Variants in MAPK7 observed in about 807,000 individuals in gnomAD.
MAPK7 encodes the protein BMK-1.
MAPK7 carries 30 observed loss-of-function variants against 56.9 expected under a neutral mutation model. That is an observed-to-expected ratio of 0.53 (90% CI 0.39 to 0.72). The LOEUF (loss-of-function observed/expected upper bound fraction) is 0.72, where lower values mean the gene tolerates loss of function less well. Ranked by LOEUF, MAPK7 falls within the 30% of genes least tolerant of loss-of-function variation. MAPK7 has a pLI of 0.00. For synonymous variants in MAPK7, 516 were observed against 449.3 expected, an observed-to-expected ratio of 1.15 and a Z score of -1.88; for missense variants, 952 against 1,110.8, an observed-to-expected ratio of 0.86 and a Z score of 2.03.
In MAPK7 at chr17:19,378,792, C is replaced by T. The variant is rs560452035; in HGVS notation, c.-5-104C>T. ...ACCAGCCGCGCGCTTCTGCCCTTGT[C>T]GGTTTAGGAAACTGGGAAGTTCCCT... On this transcript the variant is annotated intron_variant, in intron 1 of 6. Coordinates refer to ENST00000395604, the MANE Select transcript of MAPK7 (RefSeq NM_002749.4). This position sits in a 1 kb window ranked among gnomAD's most constrained non-coding sequence, Gnocchi z 5.4. The T allele has an allele frequency of 3.8e-6, 5 of 1,308,836 alleles. No homozygotes were observed. The highest frequency in any genetic ancestry group is 1.0e-6 in the Non-Finnish European group (1 of 973,796). 81.1% of individuals were successfully genotyped at this position (1,308,836 alleles called of 1,614,324 possible).
Position 19,381,032 on chromosome 17 carries a change from A to C in MAPK7, c.823A>C (p.Met275Leu). Reference sequence around the variant, plus strand: ...CTATGTACACCAGCTACAGCTCATCATGATGGTGCTGGGTACCCCATCACC... The same window carrying C: ...CTATGTACACCAGCTACAGCTCATCCTGATGGTGCTGGGTACCCCATCACC... Reference protein sequence around the residue: ...KNYVHQLQLIMMVLGTPSPAV... With the variant: ...KNYVHQLQLILMVLGTPSPAV... The change falls in exon 4 of 7, where the codon ATG becomes CTG. Residue 275 changes from methionine (M) to leucine (L), a missense_variant. Coordinates refer to ENST00000395604, the MANE Select transcript of MAPK7 (RefSeq NM_002749.4). The surrounding 1 kb of genome is among the most constrained non-coding windows in gnomAD (Gnocchi z 4.6). 1 of 1,614,110 alleles carries C rather than the reference A, an allele frequency of 6.2e-7. No individual in the cohort carries two copies. Among genetic ancestry groups the C allele is most frequent in the Middle Eastern group, 1.6e-4 (1 of 6,062 alleles).
In MAPK7 at chr17:19,381,677, C is replaced by T. The variant is rs140977816; in HGVS notation, c.1468C>T (p.Arg490Trp). 3 of 1,590,208 alleles carry T rather than the reference C, an allele frequency of 1.9e-6. No individual in the cohort carries two copies. Among genetic ancestry groups the T allele is most frequent in the Non-Finnish European group, 2.6e-6 (3 of 1,167,884 alleles). Residue 490 changes from arginine to tryptophan, a missense_variant, in exon 4 of 7, where the codon CGG becomes TGG. Arg to Trp is a moderately radical substitution (Grantham distance 101). Transcript: ENST00000395604. This position sits in a 1 kb window ranked among gnomAD's most constrained non-coding sequence, Gnocchi z 4.6. ...KAALLKSLRS[R>W]LRDGPSAPLE... ...TGCCCTGCTCAAGTCTTTGAGGAGC[C>T]GGCTCAGAGGTGCCTTGTGGGCAGG...
At position 19,382,456 on chromosome 17, in the gene MAPK7, C is replaced by G; in HGVS notation, c.2153C>G (p.Ser718Cys). ...GTCAACCTTGTGACCCAGCAGCTATCTAAGTCACAGGTGAGAGGGAGGCCC... is the reference window on the plus strand; with the variant it reads ...GTCAACCTTGTGACCCAGCAGCTATGTAAGTCACAGGTGAGAGGGAGGCCC... ...PDVNLVTQQLSKSQVEDPLPP... is the reference protein window; with the variant it reads ...PDVNLVTQQLCKSQVEDPLPP... The change falls in exon 5 of 7, where the codon TCT becomes TGT. Residue 718 changes from serine to cysteine, a missense_variant. By Grantham distance (112) the Ser-to-Cys change is moderately radical. Coordinates refer to ENST00000395604, the MANE Select transcript of MAPK7 (RefSeq NM_002749.4). 1.3e-6 allele frequency: 2 copies of G among 1,594,464 alleles called. No homozygotes were observed. The highest frequency in any genetic ancestry group is 1.7e-6 in the Non-Finnish European group (2 of 1,169,100).
chr17:19,381,458 G>A lies in MAPK7; in HGVS notation c.1249G>A (p.Val417Ile), dbSNP rs751755653. ...GGCTAGTGAGCCTGGCTGTCCAGAT[G>A]TTGAAATGCCCAGTCCCTGGGCTCC... ...PVASEPGCPD[V>I]EMPSPWAPSG... Residue 417 changes from valine (V) to isoleucine (I), a missense_variant, in exon 4 of 7, where the codon GTT becomes ATT. Around this residue, in one of 5 missense-constraint regions of MAPK7, gnomAD observed 429 missense variants for 533.0 expected, o/e 0.80. Coordinates refer to ENST00000395604, the MANE Select transcript of MAPK7 (RefSeq NM_002749.4). This position sits in a 1 kb window ranked among gnomAD's most constrained non-coding sequence, Gnocchi z 4.6. 2 of 1,614,118 alleles carry A rather than the reference G, an allele frequency of 1.2e-6. No individual in the cohort carries two copies. The highest frequency in any genetic ancestry group is 1.7e-6 in the Non-Finnish European group (2 of 1,180,046).
At chr17:19,379,322 T>C (rs1190643324) in intron 2 of MAPK7, 190 bp downstream of exon 2, 12 of 610,870 alleles carry the variant, frequency 2.0e-5, no homozygotes, top group Non-Finnish European at 3.5e-5. Context: ...CTGGTGGTTT[T>C]GCCATCCTGC....
chr17:19,379,843 G>A lies in MAPK7; in HGVS notation c.294G>A (p.Arg98=), dbSNP rs772325001. Residue 98 remains arginine (R), a synonymous_variant, in exon 3 of 7, where the codon CGG becomes CGA. Coordinates refer to ENST00000395604, the MANE Select transcript of MAPK7 (RefSeq NM_002749.4). ...TCGATGTGGTGACCAATGCCAAGCGGACCCTCAGGGAGCTGAAGATCCTCA... is the reference window on the plus strand; with the variant it reads ...TCGATGTGGTGACCAATGCCAAGCGAACCCTCAGGGAGCTGAAGATCCTCA... ...NAFDVVTNAK[R]TLRELKILKH... The A allele has an allele frequency of 6.2e-7, 1 of 1,614,216 alleles. No homozygotes were observed. The highest frequency in any genetic ancestry group is 1.7e-5 in the Admixed American group (1 of 60,020).
chr17:19,377,892 C>G (rs555796483), upstream of MAPK7: 1 of 985,418 alleles, frequency 1.0e-6, no homozygotes, highest in African/African-American at 1.7e-5. Flanking sequence ...TGCAGTCCAA[C>G]TTGGCCGGAA....
upstream of MAPK7, chr17:19,378,471 T>G: frequency 9.7e-7 from 1 of 1,030,864 alleles, no homozygotes. This position sits in a 1 kb window ranked among gnomAD's most constrained non-coding sequence, Gnocchi z 5.4. Flanking sequence ...AGCGTGGCCT[T>G]GGGAGGCGGG....
At chr17:19,378,393 G>A, upstream of MAPK7, 2 of 990,800 alleles carry the variant, frequency 2.0e-6, no homozygotes, top group Non-Finnish European at 2.4e-6. The surrounding 1 kb of genome is among the most constrained non-coding windows in gnomAD (Gnocchi z 5.4). Context: ...GCTAGGATTG[G>A]ACGCAGTAGG....
In MAPK7 at chr17:19,378,906, C is replaced by G. The variant is rs1390192900; in HGVS notation, c.6C>G (p.Ala2=). The G allele has an allele frequency of 1.9e-6, 3 of 1,566,082 alleles. No individual in the cohort carries two copies. Among genetic ancestry groups the G allele is most frequent in the Admixed American group, 1.9e-5 (1 of 53,042 alleles). The change falls in exon 2 of 7, where the codon GCC becomes GCG. Residue 2 remains alanine (A), a synonymous_variant. Transcript: ENST00000395604. The surrounding 1 kb of genome is among the most constrained non-coding windows in gnomAD (Gnocchi z 5.4). ...CGAGTCTCCACACAGACACCATGGC[C>G]GAGCCTCTGAAGGAGGAAGACGGCG... M[A]EPLKEEDGED...
At position 19,380,814 on chromosome 17, in the gene MAPK7, G is replaced by T; in HGVS notation, c.605G>T (p.Gly202Val). ...ENCELKIGDF[G>V]MARGLCTSPA... ...TGTGAGCTCAAGATTGGTGACTTTG[G>T]TATGGCTCGTGGCCTGTGCACCTCG... is the stretch of plus-strand genomic sequence containing the variant. Residue 202 changes from glycine (G) to valine (V), a missense_variant, in exon 4 of 7, where the codon GGT becomes GTT. Physicochemically the swap from Gly to Val is moderately radical, Grantham distance 109 (BLOSUM62 -3). Transcript: ENST00000395604. 6.2e-7 allele frequency: 1 copy of T among 1,613,108 alleles called. No individual in the cohort carries two copies. The highest frequency in any genetic ancestry group is 8.5e-7 in the Non-Finnish European group (1 of 1,179,246).
Position 19,382,914 on chromosome 17 carries a change from C to G in MAPK7, c.2265C>G (p.Phe755Leu), listed in dbSNP as rs769810486. 1.9e-6 allele frequency: 3 copies of G among 1,614,100 alleles called. No homozygotes were observed. ...FDLEEFLNQSFDMGVADGPQD... is the reference protein window; with the variant it reads ...FDLEEFLNQSLDMGVADGPQD... ...TGGAGGAATTCTTAAACCAGTCTTTCGACATGGGCGTGGCTGATGGGCCAC... is the reference window on the plus strand; with the variant it reads ...TGGAGGAATTCTTAAACCAGTCTTTGGACATGGGCGTGGCTGATGGGCCAC... Residue 755 changes from phenylalanine to leucine, a missense_variant, in exon 6 of 7, where the codon TTC (phenylalanine) becomes TTG (leucine). By Grantham distance (22) the Phe-to-Leu change is conservative (BLOSUM62 0). This residue lies in a region of MAPK7 where 73 missense variants were observed against 104.6 expected (regional missense o/e 0.70). Coordinates refer to ENST00000395604, the MANE Select transcript of MAPK7 (RefSeq NM_002749.4).
chr17:19,379,223 G>A (rs572805130), intron 2 of MAPK7, 91 bp downstream of exon 2: 125 of 1,195,316 alleles, frequency 1.0e-4, no homozygotes, highest in Non-Finnish European at 1.4e-4. Flanking sequence ...AGGAAAGCGG[G>A]GTGCGAGTTC....
intron 2 of MAPK7, 67 bp from the exon 3 acceptor site, chr17:19,379,715 G>A: frequency 6.8e-7 from 1 of 1,474,140 alleles, no homozygotes; most frequent in Non-Finnish European, 9.3e-7. Context: ...GGTGTTGATA[G>A]GGGCTGAGTC....
chr17:19,381,241 C>G lies in MAPK7; in HGVS notation c.1032C>G (p.His344Gln). 2.5e-6 allele frequency: 4 copies of G among 1,614,150 alleles called. No homozygotes were observed. Among genetic ancestry groups the G allele is most frequent in the Non-Finnish European group, 2.5e-6 (3 of 1,180,046 alleles). ...TCTCAGCAGCTGCTGCCCTTCGCCA[C>G]CCTTTCCTGGCCAAGTACCATGATC... is the stretch of plus-strand genomic sequence containing the variant. ...ARISAAAALR[H>Q]PFLAKYHDPD... is the part of the protein sequence containing the mutation. The change falls in exon 4 of 7, where the codon CAC becomes CAG. Residue 344 changes from histidine (H) to glutamine (Q), a missense_variant. By Grantham distance (24) the His-to-Gln change is conservative. Around this residue, in one of 5 missense-constraint regions of MAPK7, gnomAD observed 429 missense variants for 533.0 expected, o/e 0.80. Coordinates refer to ENST00000395604, the MANE Select transcript of MAPK7 (RefSeq NM_002749.4). The surrounding 1 kb of genome is among the most constrained non-coding windows in gnomAD (Gnocchi z 4.6).
At chr17:19,378,329 C>T, upstream of MAPK7, 1 of 988,408 alleles carries the variant, frequency 1.0e-6, no homozygotes, top group Non-Finnish European at 1.2e-6. This position sits in a 1 kb window ranked among gnomAD's most constrained non-coding sequence, Gnocchi z 5.4. Context: ...TGGGCGGCTC[C>T]CGCCGGCGAG....
Position 19,380,637 on chromosome 17 carries a change from A to T in MAPK7, c.428A>T (p.Asp143Val). ...VYVVLDLMES[D>V]LHQIIHSSQP... ...GTGGTCCTGGACCTGATGGAAAGCG[A>T]CCTGCACCAGATCATCCACTCCTCA... is the stretch of plus-strand genomic sequence containing the variant. Residue 143 changes from aspartate to valine, a missense_variant, in exon 4 of 7, where the codon GAC becomes GTC. Physicochemically the swap from Asp to Val is radical, Grantham distance 152. Coordinates refer to ENST00000395604, the MANE Select transcript of MAPK7 (RefSeq NM_002749.4). 2 of 1,608,384 alleles carry T rather than the reference A, an allele frequency of 1.2e-6. No individual in the cohort carries two copies. The highest frequency in any genetic ancestry group is 1.7e-6 in the Non-Finnish European group (2 of 1,175,648).
At position 19,381,775 on chromosome 17, in the gene MAPK7, C is replaced by A; in HGVS notation, c.1478-6C>A. The A allele has an allele frequency of 3.3e-6, 5 of 1,538,338 alleles. No homozygotes were observed. The highest frequency in any genetic ancestry group is 3.5e-4 in the Middle Eastern group (2 of 5,668). On this transcript the variant is annotated splice_polypyrimidine_tract_variant and splice_region_variant and intron_variant, in intron 4 of 6. Coordinates refer to ENST00000395604, the MANE Select transcript of MAPK7 (RefSeq NM_002749.4). This position sits in a 1 kb window ranked among gnomAD's most constrained non-coding sequence, Gnocchi z 4.6. ...TTACCTTCTCCCCTGCCCAACTTCC[C>A]CGCAGATGGCCCCAGCGCACCCCTG...
Position 19,382,156 on chromosome 17 carries a change from C to A in MAPK7, c.1853C>A (p.Pro618Gln), listed in dbSNP as rs372930872. 6.2e-7 allele frequency: 1 copy of A among 1,612,448 alleles called. No individual in the cohort carries two copies. The highest frequency in any genetic ancestry group is 8.5e-7 in the Non-Finnish European group (1 of 1,179,738). ...GPVAQPTGPQ[P>Q]QSAGSTSGPV... ...GTAGCCCAGCCCACTGGCCCGCAACCACAATCTGCGGGCTCTACCTCTGGC... is the reference window on the plus strand; with the variant it reads ...GTAGCCCAGCCCACTGGCCCGCAACAACAATCTGCGGGCTCTACCTCTGGC... Residue 618 changes from proline (P) to glutamine (Q), a missense_variant, in exon 5 of 7, where the codon CCA becomes CAA. Pro to Gln is a moderately conservative substitution (Grantham distance 76). Transcript: ENST00000395604.
Sources: gnomAD v4.1 joint callset for allele counts on GRCh38, gnomAD v4.1.1 for gene constraint, gnomAD v4.1.1 regional missense constraint, Gnocchi (gnomAD v3.1) non-coding constraint, MANE v1.5 for transcripts, NCBI Gene and HGNC (gene_info 2026-07-23, HGNC 2026-07-21) for gene names.